Variants in BCAS3 observed in about 807,000 individuals in gnomAD.
BCAS3 encodes the protein BCAS4/BCAS3 fusion.
BCAS3 carries 53 observed loss-of-function variants against 116.1 expected under a neutral mutation model. The observed-to-expected ratio is 0.46, with a 90% confidence interval of 0.37 to 0.57. The LOEUF is 0.57. BCAS3 is among the 20% of genes least tolerant of loss of function. BCAS3 has a pLI of 0.00. For synonymous variants in BCAS3, 391 were observed against 408.2 expected (o/e 0.96, Z 0.51); for missense variants, 917 against 1,165.4 (o/e 0.79, Z 3.10).
At chr17:60,859,542 G>A (rs2053978048) in intron 7 of BCAS3, among the ~76,000 whole-genome samples, 4 of 151,490 alleles carry the variant, frequency 2.6e-5, no homozygotes. Context: ...TTTTTATGCT[G>A]TGTAGTATTC....
At position 61,026,379 on chromosome 17, in the gene BCAS3, G is replaced by A. The variant is rs943199943; in HGVS notation, c.1638-8287G>A. Among the ~76,000 whole-genome samples, 1 of 152,002 alleles carries A rather than the reference G, an allele frequency of 6.6e-6. No homozygotes were observed. Among genetic ancestry groups the A allele is most frequent in the Non-Finnish European group, 1.5e-5 (1 of 67,932 alleles). ...TCAACTTACGACAAATAAGCAGCTT[G>A]AAAAATATGTGCCTCTTTCTGTGGT... On this transcript the variant is annotated intron_variant, in intron 16 of 23. Coordinates refer to ENST00000407086, the MANE Select transcript of BCAS3 (RefSeq NM_017679.5). The surrounding 1 kb of genome is among the most constrained non-coding windows in gnomAD (Gnocchi z 5.0).
intron 5 of BCAS3, among the ~76,000 whole-genome samples, chr17:60,715,965 C>G (rs964118714): frequency 2.0e-5 from 3 of 152,048 alleles, no homozygotes; most frequent in Admixed American, 6.5e-5. Flanking sequence ...CAGTTTCAAG[C>G]AGTTCTCCTG....
chr17:61,140,439 G>A lies in BCAS3; in HGVS notation c.2425+55875G>A, dbSNP rs981068220. 6.6e-5 allele frequency among the ~76,000 whole-genome samples: 10 copies of A among 152,334 alleles called. No homozygotes were observed. Among genetic ancestry groups the A allele is most frequent in the African/African-American group, 1.4e-4 (6 of 41,578 alleles). On this transcript the variant is annotated intron_variant, in intron 22 of 23. Transcript: ENST00000407086. This position sits in a 1 kb window ranked among gnomAD's most constrained non-coding sequence, Gnocchi z 4.2. The stretch of plus-strand genomic sequence containing the variant: ...GGGGACAAGAGATGGAAGGTTTTGA[G>A]TTGGGGAAAAGTATTCTGGCAGCAG...
chr17:61,034,352 A>C lies in BCAS3; in HGVS notation c.1638-314A>C, dbSNP rs2066863129. ...ATGTTCATGCTGGTACTATTGCTTC[A>C]CTTTGAAATTTCTAGGGAAATGTTA... is the stretch of plus-strand genomic sequence containing the variant. On this transcript the variant is annotated intron_variant, in intron 16 of 23. Transcript: ENST00000407086. The surrounding 1 kb of genome is among the most constrained non-coding windows in gnomAD (Gnocchi z 5.0). Among the ~76,000 whole-genome samples, 1 of 152,234 alleles carries C rather than the reference A, an allele frequency of 6.6e-6. No homozygotes were observed. Among genetic ancestry groups the C allele is most frequent in the Non-Finnish European group, 1.5e-5 (1 of 68,040 alleles).
intron 6 of BCAS3, among the ~76,000 whole-genome samples, chr17:60,767,043 AG>A (rs2044173490): frequency 6.6e-6 from 1 of 152,204 alleles, no homozygotes; most frequent in Admixed American, 6.5e-5. Flanking sequence ...CCGTTTGCTA[AG>A]ACTGTTGGAA....
intron 22 of BCAS3, among the ~76,000 whole-genome samples, chr17:61,293,441 A>C (rs1175247187): frequency 6.6e-6 from 1 of 152,088 alleles, no homozygotes; most frequent in African/African-American, 2.4e-5. Flanking sequence ...ATCATCAGAT[A>C]TGTTGAGATG....
chr17:61,284,151 A>G (rs2051505987), intron 22 of BCAS3, among the ~76,000 whole-genome samples: 1 of 152,126 alleles, frequency 6.6e-6, no homozygotes, highest in South Asian at 2.1e-4. Flanking sequence ...AAATGGACCA[A>G]TCATCACTCT....
Position 61,145,651 on chromosome 17 carries a change from T to C in BCAS3, c.2425+61087T>C, listed in dbSNP as rs1469583248. 6.6e-6 allele frequency among the ~76,000 whole-genome samples: 1 copy of C among 152,188 alleles called. No homozygotes were observed. The highest frequency in any genetic ancestry group is 1.5e-5 in the Non-Finnish European group (1 of 68,030). On this transcript the variant is annotated intron_variant, in intron 22 of 23. Coordinates refer to ENST00000407086, the MANE Select transcript of BCAS3 (RefSeq NM_017679.5). This position sits in a 1 kb window ranked among gnomAD's most constrained non-coding sequence, Gnocchi z 5.0. ...GTTACTTTAAAAAATTATTCTTAAA[T>C]GTTCAGCACAAATATCCCTCCCCTT...
rs146718875 is a variant in BCAS3 at position 60,740,944 on chromosome 17, G to A, written c.322-6254G>A. On this transcript the variant is annotated intron_variant, in intron 5 of 23. Coordinates refer to ENST00000407086, the MANE Select transcript of BCAS3 (RefSeq NM_017679.5). Reference sequence around the variant, plus strand: ...GTTAGAGCCTGGTGGAGCTCCTGGAGGTAAAACACATCAGTGTGAGGGCCC... The same window carrying A: ...GTTAGAGCCTGGTGGAGCTCCTGGAAGTAAAACACATCAGTGTGAGGGCCC... Among the ~76,000 whole-genome samples, 62 of 152,258 alleles carry A rather than the reference G, an allele frequency of 4.1e-4. 1 individual carries two copies. In the East Asian group the frequency reaches 8.3e-3, roughly 20 times the overall value.
intron 22 of BCAS3, among the ~76,000 whole-genome samples, chr17:61,269,944 C>T (rs2050099324): frequency 1.3e-5 from 2 of 151,750 alleles, no homozygotes; most frequent in South Asian, 4.2e-4. Context: ...GCTGAGATTA[C>T]AGGCACGTGC....
chr17:60,701,586 C>A (rs1283315941), intron 4 of BCAS3, among the ~76,000 whole-genome samples: 4 of 151,768 alleles, frequency 2.6e-5, no homozygotes, highest in Non-Finnish European at 5.9e-5. Flanking sequence ...CTAGAAACAT[C>A]AAAAAAATTA....
chr17:61,175,779 A>T (rs563236060), intron 22 of BCAS3, among the ~76,000 whole-genome samples: 1 of 152,328 alleles, frequency 6.6e-6, no homozygotes, highest in Admixed American at 6.5e-5. Context: ...TTGTATCCAG[A>T]ATATATAAAT....
rs74693508 is a variant in BCAS3, at chr17:60,827,762, C to T, written c.476+19686C>T. ...CCTGTTCCTCCCCCTGTAGAAGAAG[C>T]GTGTTTCTATGTAATAAGTCTTCCC... On this transcript the variant is annotated intron_variant, in intron 7 of 23. Coordinates refer to ENST00000407086, the MANE Select transcript of BCAS3 (RefSeq NM_017679.5). Among the ~76,000 whole-genome samples, 690 of 152,156 alleles carry T rather than the reference C, an allele frequency of 4.5e-3. 31 individuals are homozygous for T. The East Asian group carries it at 0.08, about 18-fold the overall frequency.
intron 9 of BCAS3, chr17:60,886,911 C>G (rs1451956715): frequency 6.6e-6 from 1 of 151,926 alleles, no homozygotes; most frequent in Non-Finnish European, 1.5e-5. Context: ...TGTCTGTGCC[C>G]TGCCCCCAGA....
chr17:61,071,313 T>C (rs183513144), intron 19 of BCAS3, among the ~76,000 whole-genome samples: 1 of 152,322 alleles, frequency 6.6e-6, no homozygotes, highest in Non-Finnish European at 1.5e-5. Context: ...CCTCCTAAGC[T>C]CTCAAATGAA....
intron 12 of BCAS3, among the ~76,000 whole-genome samples, chr17:60,911,497 C>T (rs867599571): frequency 1.2e-4 from 19 of 152,252 alleles, no homozygotes; most frequent in South Asian, 2.1e-4. Context: ...TGAGTTTCTC[C>T]GTGTTGGCCA....
chr17:61,134,754 G>A lies in BCAS3; in HGVS notation c.2425+50190G>A, dbSNP rs929362559. Reference sequence around the variant, plus strand: ...CAATCCTTTTTGACATCAGTTTTTTGTTCCTAAGAAAAGTTAAGTAACATC... The same window carrying A: ...CAATCCTTTTTGACATCAGTTTTTTATTCCTAAGAAAAGTTAAGTAACATC... On this transcript the variant is annotated intron_variant, in intron 22 of 23. Coordinates refer to ENST00000407086, the MANE Select transcript of BCAS3 (RefSeq NM_017679.5). This position sits in a 1 kb window ranked among gnomAD's most constrained non-coding sequence, Gnocchi z 4.6. Among the ~76,000 whole-genome samples, 3 of 152,020 alleles carry A rather than the reference G, an allele frequency of 2.0e-5. No individual in the cohort carries two copies. The highest frequency in any genetic ancestry group is 7.2e-5 in the African/African-American group (3 of 41,402).
chr17:60,708,557 G>A (rs1486533898), intron 4 of BCAS3, among the ~76,000 whole-genome samples: 2 of 151,948 alleles, frequency 1.3e-5, no homozygotes, highest in Non-Finnish European at 2.9e-5. Flanking sequence ...TCGAGACGGA[G>A]TCTTGCTGTG....
In BCAS3 at chr17:61,316,701, C is replaced by A. The variant is rs570532351; in HGVS notation, c.2426-51626C>A. Among the ~76,000 whole-genome samples, 17 of 152,298 alleles carry A rather than the reference C, an allele frequency of 1.1e-4. No individual in the cohort carries two copies. In the East Asian group the frequency reaches 3.3e-3, roughly 29 times the overall value. On this transcript the variant is annotated intron_variant, in intron 22 of 23. Coordinates refer to ENST00000407086, the MANE Select transcript of BCAS3 (RefSeq NM_017679.5). This position sits in a 1 kb window ranked among gnomAD's most constrained non-coding sequence, Gnocchi z 5.8. Reference sequence around the variant, plus strand: ...AAAAGGAAAAGAAGAGGTATGAATTCTTTGGAAAAGAAATCCATGCCCTCG... The same window carrying A: ...AAAAGGAAAAGAAGAGGTATGAATTATTTGGAAAAGAAATCCATGCCCTCG...
Sources: allele counts gnomAD v4.1 joint callset (sites outside exome capture counted in the v4.1 genomes callset), GRCh38; gene constraint gnomAD v4.1.1; non-coding constraint Gnocchi (gnomAD v3.1); transcripts MANE v1.5; gene names NCBI Gene and HGNC (gene_info 2026-07-23, HGNC 2026-07-21).